Variants in FGL1 observed in about 807,000 individuals in gnomAD.
FGL1 encodes fibrinogen like 1.
Under a neutral mutation model 43.7 loss-of-function variants are expected in FGL1, and 59 were observed. That is an observed-to-expected ratio of 1.35 (90% CI 1.10 to 1.68). The LOEUF (loss-of-function observed/expected upper bound fraction) is 1.68. Ranked by LOEUF, FGL1 falls within the 40% of genes most tolerant of loss-of-function variation. FGL1 has a pLI of 0.00. For missense variants in FGL1, 596 were observed against 373.0 expected (o/e 1.60, Z -4.92); for synonymous variants, 192 against 126.5 (o/e 1.52, Z -3.48).
At chr8:17,895,527 G>C (rs191433130), upstream of FGL1, 15 of 1,286,634 alleles carry the variant, frequency 1.2e-5, no homozygotes, top group Non-Finnish European at 4.1e-6. Context: ...ACTGCATTGG[G>C]AATTTGTAAT....
rs1469564696 is a variant in FGL1, at chr8:17,882,164, C to T, written c.79G>A (p.Ala27Thr). Residue 27 changes from alanine (A) to threonine (T), a missense_variant, in exon 3 of 8, where the codon GCC becomes ACC. By Grantham distance (58) the Ala-to-Thr change is moderately conservative (BLOSUM62 0). Coordinates refer to ENST00000427924, the MANE Select transcript of FGL1 (RefSeq NM_004467.4). ...GREISALEDC[A>T]QEQMRLRAQV... ...GCTCTGAGCCGCATCTGCTCCTGGG[C>T]ACAGTCCTCGAGCGCCTGCAAAACA... 2.5e-6 allele frequency: 4 copies of T among 1,613,616 alleles called. No homozygotes were observed. Among genetic ancestry groups the T allele is most frequent in the Non-Finnish European group, 3.4e-6 (4 of 1,179,944 alleles).
At chr8:17,885,696 C>A in intron 1 of FGL1, 125 bp from the exon 2 acceptor site, 1 of 680,462 alleles carries the variant, frequency 1.5e-6, no homozygotes, top group Non-Finnish European at 2.5e-6. Flanking sequence ...TTAGAGTCGC[C>A]GAGGAAATTC....
chr8:17,868,844 C>T, intron 6 of FGL1, 72 bp downstream of exon 6: 3 of 1,456,316 alleles, frequency 2.1e-6, no homozygotes, highest in Non-Finnish European at 2.8e-6. Flanking sequence ...TTTTTATTTC[C>T]ACTGACTCCA....
chr8:17,865,851 CGTA>C (rs1269413048), intron 7 of FGL1, among the ~76,000 whole-genome samples: 1 of 151,848 alleles, frequency 6.6e-6, no homozygotes, highest in Admixed American at 6.5e-5. Flanking sequence ...ATAATCTACC[CGTA>C]AAGGCTGAGT....
chr8:17,888,950 T>C (rs566637131), intron 1 of FGL1, among the ~76,000 whole-genome samples: 128 of 152,336 alleles, frequency 8.4e-4, no homozygotes, highest in African/African-American at 3.0e-3. Flanking sequence ...TGCTTTAGTA[T>C]CTTTTCTTCA....
At chr8:17,871,676 G>A (rs2053363210) in intron 5 of FGL1, among the ~76,000 whole-genome samples, 2 of 152,072 alleles carry the variant, frequency 1.3e-5, no homozygotes, top group African/African-American at 4.8e-5. Flanking sequence ...TATTCTCAGA[G>A]GTAATTCATT....
chr8:17,882,726 T>A (rs1457775457), intron 2 of FGL1: 7 of 136,162 alleles, frequency 5.1e-5, no homozygotes, highest in African/African-American at 2.0e-4. Context: ...ATATATTATA[T>A]ATGCATATAA....
At chr8:17,877,201 C>G (rs1191513009) in intron 3 of FGL1, among the ~76,000 whole-genome samples, 1 of 151,042 alleles carries the variant, frequency 6.6e-6, no homozygotes, top group Non-Finnish European at 1.5e-5. Context: ...AGAAGAAAGG[C>G]AAGGTTAAAG....
chr8:17,864,467 GAGAAGAA>G lies in FGL1; in HGVS notation c.*118_*124del, dbSNP rs2053238598. The G allele has an allele frequency of 1.4e-5, 14 of 999,212 alleles. No individual in the cohort carries two copies. Among genetic ancestry groups the G allele is most frequent in the Non-Finnish European group, 1.9e-5 (13 of 701,322 alleles). 61.9% of individuals were successfully genotyped at this position (999,212 alleles called of 1,614,324 possible). ...AGCACATTAAGTAACAAAGGCAAGT[GAGAAGAA>G]TGAAAAGCACTACTCACAACAGTTA... On this transcript the variant is annotated 3_prime_UTR_variant, in exon 8 of 8. Coordinates refer to ENST00000427924, the MANE Select transcript of FGL1 (RefSeq NM_004467.4).
At chr8:17,881,287 C>A (rs1235585676) in intron 3 of FGL1, among the ~76,000 whole-genome samples, 2 of 151,768 alleles carry the variant, frequency 1.3e-5, no homozygotes, top group African/African-American at 2.4e-5. Context: ...CAGGCACCTG[C>A]CACCACGCCC....
At chr8:17,890,792 G>A (rs2053693234) in intron 1 of FGL1, among the ~76,000 whole-genome samples, 1 of 152,074 alleles carries the variant, frequency 6.6e-6, no homozygotes, top group Non-Finnish European at 1.5e-5. Context: ...GGCAGGAAGG[G>A]GAAGAGCCAA....
chr8:17,864,409 A>G lies in FGL1; in HGVS notation c.*183T>C. The G allele has an allele frequency of 1.8e-6, 1 of 570,062 alleles. No individual in the cohort carries two copies. Among genetic ancestry groups the G allele is most frequent in the Non-Finnish European group, 3.0e-6 (1 of 337,806 alleles). 35.3% of individuals were successfully genotyped at this position (570,062 alleles called of 1,614,324 possible). ...ATAAATATTAACACAGTCTACATTTATTTGGTGAATATTGCATATCTGCTG... is the reference window on the plus strand; with the variant it reads ...ATAAATATTAACACAGTCTACATTTGTTTGGTGAATATTGCATATCTGCTG... On this transcript the variant is annotated 3_prime_UTR_variant, in exon 8 of 8. Transcript: ENST00000427924.
intron 1 of FGL1, among the ~76,000 whole-genome samples, chr8:17,892,026 G>C (rs2053712428): frequency 6.6e-6 from 1 of 152,098 alleles, no homozygotes; most frequent in African/African-American, 2.4e-5. Flanking sequence ...CATTACCATA[G>C]CTATCTCATA....
Position 17,874,029 on chromosome 8 carries a change from C to G in FGL1, c.492G>C (p.Leu164Phe). 6.2e-7 allele frequency: 1 copy of G among 1,607,928 alleles called. No homozygotes were observed. Among genetic ancestry groups the G allele is most frequent in the Non-Finnish European group, 8.5e-7 (1 of 1,178,012 alleles). ...YWLGNKNLHFLTTQEDYTLKI... is the reference protein window; with the variant it reads ...YWLGNKNLHFFTTQEDYTLKI... Reference sequence around the variant, plus strand: ...TCATTCAAACCTTACCTTGAGTGGTCAAGAAGTGAAGATTTTTATTGCCCA... The same window carrying G: ...TCATTCAAACCTTACCTTGAGTGGTGAAGAAGTGAAGATTTTTATTGCCCA... The change falls in exon 5 of 8, where the codon TTG (leucine) becomes TTC (phenylalanine). Residue 164 changes from leucine (L) to phenylalanine (F), a missense_variant. Transcript: ENST00000427924.
intron 2 of FGL1, among the ~76,000 whole-genome samples, chr8:17,884,013 C>T (rs1563458969): frequency 6.6e-6 from 1 of 150,544 alleles, no homozygotes; most frequent in African/African-American, 2.4e-5. Flanking sequence ...CTCTCCCAGC[C>T]ATTTTTCTAA....
chr8:17,883,937 C>G (rs1000841675), intron 2 of FGL1, among the ~76,000 whole-genome samples: 1 of 143,804 alleles, frequency 7.0e-6, no homozygotes, highest in East Asian at 2.1e-4. Flanking sequence ...TTCCCTCCTT[C>G]CCTCCCTTCC....
intron 7 of FGL1, 152 bp from the exon 8 acceptor site, chr8:17,864,903 T>G: frequency 1.7e-6 from 1 of 576,850 alleles, no homozygotes; most frequent in Non-Finnish European, 2.6e-6. Flanking sequence ...TTCCAAAAGC[T>G]GAGAAATTTC....
intron 3 of FGL1, 200 bp from the exon 4 acceptor site, chr8:17,874,721 T>G: frequency 2.6e-6 from 1 of 381,066 alleles, no homozygotes; most frequent in South Asian, 1.3e-4. Context: ...ATTTGCCACC[T>G]GAATCCTTGA....
chr8:17,874,128 A>G lies in FGL1; in HGVS notation c.405-12T>C. ...AGTCTTTCCATCCTCTAAAAAAGGT[A>G]AAGTGGAAGCCGATTAGAGCAAACT... is the stretch of plus-strand genomic sequence containing the variant. On this transcript the variant is annotated splice_polypyrimidine_tract_variant and intron_variant, in intron 4 of 7. Coordinates refer to ENST00000427924, the MANE Select transcript of FGL1 (RefSeq NM_004467.4). The G allele has an allele frequency of 6.2e-7, 1 of 1,604,952 alleles. No homozygotes were observed. Among genetic ancestry groups the G allele is most frequent in the Non-Finnish European group, 8.5e-7 (1 of 1,173,944 alleles).
Sources: allele counts gnomAD v4.1 joint callset (sites outside exome capture counted in the v4.1 genomes callset), GRCh38; gene constraint gnomAD v4.1.1; transcripts MANE v1.5; gene names NCBI Gene and HGNC (gene_info 2026-07-23, HGNC 2026-07-21).